The following SHF variants were observed in gnomAD, a reference collection of about 807,000 sequenced individuals.
The protein encoded by SHF is Src homology 2 domain containing F, also known as SH2 domain-containing adapter protein F.
A neutral mutation model predicts 42.4 loss-of-function variants in SHF; 30 were observed. The observed-to-expected ratio is 0.71, with a 90% confidence interval of 0.53 to 0.96. The LOEUF is 0.96. Ranked by LOEUF, SHF falls within the 40% of genes least tolerant of loss-of-function variation. The pLI is 0.00. For synonymous variants in SHF, 264 were observed against 269.9 expected (o/e 0.98, Z 0.21); for missense variants, 598 against 634.0 (o/e 0.94, Z 0.61).
At chr15:45,178,453 T>C (rs1448873371) in intron 1 of SHF, 147 bp from the exon 2 acceptor site, 5 of 962,324 alleles carry the variant, frequency 5.2e-6, no homozygotes, top group African/African-American at 1.7e-5. Context: ...GCTCTGAGCT[T>C]GGATGGGGAC....
chr15:45,178,358 T>A, intron 1 of SHF, 52 bp from the exon 2 acceptor site: 7 of 1,584,812 alleles, frequency 4.4e-6, no homozygotes, highest in Non-Finnish European at 6.0e-6. Context: ...GAGGCAACTC[T>A]GCTTCTCCCA....
In SHF at chr15:45,173,560, G is replaced by A. The variant is rs1190312827; in HGVS notation, c.988+16C>T. ...TGAGGACATGTCACCCTGGCCAGAAGCCCCCCAGGACCCACCGCTGCTGTC... is the reference window on the plus strand; with the variant it reads ...TGAGGACATGTCACCCTGGCCAGAAACCCCCCAGGACCCACCGCTGCTGTC... On this transcript the variant is annotated intron_variant, in intron 4 of 6. Coordinates refer to ENST00000690270, the MANE Select transcript of SHF (RefSeq NM_001394037.1). 4 of 1,478,914 alleles carry A rather than the reference G, an allele frequency of 2.7e-6. No individual in the cohort carries two copies. The African/African-American group carries it at 5.6e-5, about 21-fold the overall frequency. The allele number at this position is 1,478,914 out of a possible 1,614,324, so 91.6% of individuals were successfully genotyped here. A position where few individuals can be genotyped will look rare whatever the true frequency, so the allele number is the denominator to read the frequency against.
At chr15:45,185,876 T>G (rs545160884) in intron 1 of SHF, among the ~76,000 whole-genome samples, 3 of 152,376 alleles carry the variant, frequency 2.0e-5, no homozygotes, top group South Asian at 4.1e-4. Context: ...GTACCCTTTT[T>G]TATGTCAAGC....
At chr15:45,173,806 A>T in intron 3 of SHF, 90 bp from the exon 4 acceptor site, 5 of 1,401,150 alleles carry the variant, frequency 3.6e-6, no homozygotes, top group Non-Finnish European at 4.9e-6. Context: ...CAGAGCCAGG[A>T]CACAGGACAG....
At chr15:45,179,717 G>C (rs1210532383) in intron 1 of SHF, among the ~76,000 whole-genome samples, 1 of 152,192 alleles carries the variant, frequency 6.6e-6, no homozygotes, top group Non-Finnish European at 1.5e-5. Context: ...CCACTGGGTT[G>C]ACAGGCGATG....
chr15:45,201,037 TG>T, exon 1 of SHF: 1 of 353,248 alleles, frequency 2.8e-6, no homozygotes, highest in South Asian at 2.1e-5. Flanking sequence ...CGGGTGAACG[TG>T]GGTGCGGGAG....
chr15:45,187,113 G>T (rs1868758180), intron 1 of SHF, among the ~76,000 whole-genome samples: 1 of 152,240 alleles, frequency 6.6e-6, no homozygotes, highest in East Asian at 1.9e-4. Flanking sequence ...ACCAGTGGGG[G>T]TTGGGAGGTG....
At chr15:45,194,961 T>TG (rs1898822367) in intron 2 of SHF, among the ~76,000 whole-genome samples, 1 of 152,068 alleles carries the variant, frequency 6.6e-6, no homozygotes, top group Non-Finnish European at 1.5e-5. Context: ...CTCCAATAGC[T>TG]GGGACTTACA....
At chr15:45,198,037 C>G (rs1032328639) in intron 2 of SHF, among the ~76,000 whole-genome samples, 1 of 152,000 alleles carries the variant, frequency 6.6e-6, no homozygotes, top group Non-Finnish European at 1.5e-5. Flanking sequence ...GACTTTTGTG[C>G]ATGTATTCCC....
intron 6 of SHF, among the ~76,000 whole-genome samples, chr15:45,168,964 C>G (rs1897343302): frequency 6.6e-6 from 1 of 152,212 alleles, no homozygotes; most frequent in South Asian, 2.1e-4. Context: ...GGAGTGAGAC[C>G]TCCAAGAACC....
intron 2 of SHF, 44 bp from the exon 3 acceptor site, chr15:45,175,469 G>A: frequency 6.5e-7 from 1 of 1,540,898 alleles, no homozygotes; most frequent in Non-Finnish European, 8.8e-7. Flanking sequence ...GTTCAGCCTT[G>A]GCTTTCTGGC....
exon 1 of SHF, chr15:45,200,984 A>T (rs1210351189): frequency 1.5e-5 from 6 of 394,634 alleles, no homozygotes; most frequent in Non-Finnish European, 3.0e-5. Flanking sequence ...AGCCAAGAGG[A>T]GACTTCGGGC....
At chr15:45,189,803 G>T (rs1032920999), upstream of SHF, among the ~76,000 whole-genome samples, 12 of 152,154 alleles carry the variant, frequency 7.9e-5, no homozygotes, top group Admixed American at 7.2e-4. Flanking sequence ...GGGATTCCCA[G>T]GGCCCCGAGT....
At chr15:45,173,995 A>G (rs973932301) in intron 3 of SHF, among the ~76,000 whole-genome samples, 3 of 152,150 alleles carry the variant, frequency 2.0e-5, no homozygotes, top group Non-Finnish European at 4.4e-5. Context: ...GGTCCCCTTC[A>G]TTTGACCTCT....
At chr15:45,180,526 A>C (rs1324866899) in intron 1 of SHF, among the ~76,000 whole-genome samples, 1 of 152,220 alleles carries the variant, frequency 6.6e-6, no homozygotes, top group Non-Finnish European at 1.5e-5. Flanking sequence ...TCTGCAGTTG[A>C]AGAGATTTGA....
chr15:45,187,127 C>T (rs530944041), intron 1 of SHF, among the ~76,000 whole-genome samples: 84 of 152,298 alleles, frequency 5.5e-4, no homozygotes, highest in African/African-American at 1.8e-3. Flanking sequence ...GGAGGTGCGC[C>T]TCAATTCCCG....
rs984492411 is a variant in SHF at position 45,187,717 on chromosome 15, G to T, written c.235C>A (p.Pro79Thr). 1.0e-5 allele frequency: 11 copies of T among 1,095,986 alleles called. No homozygotes were observed. The highest frequency in any genetic ancestry group is 1.3e-5 in the Non-Finnish European group (11 of 866,536). The allele number at this position is 1,095,986 out of a possible 1,614,324, so 67.9% of individuals were successfully genotyped here. ...GGGGGCGCGGCCGGAGAGGGCGCAG[G>T]GGGGCGGTAGTCGGGCTCGGGGGGC... ...PAPPEPDYRP[P>T]APSPAAPPAP... The change falls in exon 1 of 7, where the codon CCT becomes ACT. Residue 79 changes from proline to threonine, a missense_variant. This residue lies in a region of SHF where 159 missense variants were observed against 109.3 expected (regional missense o/e 1.45). Coordinates refer to ENST00000690270, the MANE Select transcript of SHF (RefSeq NM_001394037.1).
chr15:45,175,921 C>T (rs761662875), intron 2 of SHF, among the ~76,000 whole-genome samples: 54 of 151,398 alleles, frequency 3.6e-4, no homozygotes, highest in Non-Finnish European at 6.2e-4. Flanking sequence ...CCGGTTCAAG[C>T]GATTCTCCCA....
intron 1 of SHF, 126 bp from the exon 2 acceptor site, chr15:45,178,432 C>T: frequency 8.7e-7 from 1 of 1,153,248 alleles, no homozygotes; most frequent in South Asian, 1.8e-5. Flanking sequence ...CCCCCAGGTA[C>T]TCAAAGGAAG....
Sources: gnomAD v4.1 joint callset for allele counts (sites outside exome capture counted in the v4.1 genomes callset) on GRCh38, gnomAD v4.1.1 for gene constraint, gnomAD v4.1.1 regional missense constraint, MANE v1.5 for transcripts, NCBI Gene and HGNC (gene_info 2026-07-23, HGNC 2026-07-21) for gene names.